The following SNX29 variants were observed in gnomAD, a reference collection of about 807,000 sequenced individuals.
The protein encoded by SNX29 is sorting nexin 29.
SNX29 carries 78 observed loss-of-function variants against 102.1 expected under a neutral mutation model. That is an observed-to-expected ratio of 0.76 (90% CI 0.64 to 0.92). The LOEUF (loss-of-function observed/expected upper bound fraction) is 0.92. Ranked by LOEUF, SNX29 falls within the 40% of genes least tolerant of loss-of-function variation. SNX29 has a pLI of 0.00. For missense variants in SNX29, 1,280 were observed against 1,061.7 expected, an observed-to-expected ratio of 1.21 and a Z score of -2.86; for synonymous variants, 580 against 414.5, an observed-to-expected ratio of 1.40 and a Z score of -4.85.
At chr16:12,469,408 C>G (rs2087229027) in intron 18 of SNX29, among the ~76,000 whole-genome samples, 1 of 152,192 alleles carries the variant, frequency 6.6e-6, no homozygotes. Context: ...AGGCCTTGAA[C>G]CAAAACACAA....
In SNX29 at chr16:12,477,707, C is replaced by T; in HGVS notation, c.2038-12C>T. 1.9e-6 allele frequency: 3 copies of T among 1,606,788 alleles called. No homozygotes were observed. The highest frequency in any genetic ancestry group is 2.5e-6 in the Non-Finnish European group (3 of 1,178,228). The stretch of plus-strand genomic sequence containing the variant: ...GGTTTAAGAGGAATTCACATTTTCT[C>T]TTTCTTGACAGGTCTACATCCGGAT... On this transcript the variant is annotated splice_polypyrimidine_tract_variant and intron_variant, in intron 18 of 20. Coordinates refer to ENST00000566228, the MANE Select transcript of SNX29 (RefSeq NM_032167.5).
At chr16:12,048,792 G>A (rs1380672322) in intron 7 of SNX29, among the ~76,000 whole-genome samples, 172 bp downstream of exon 7, 3 of 152,228 alleles carry the variant, frequency 2.0e-5, no homozygotes, top group Non-Finnish European at 2.9e-5. Context: ...GGGCTCTGAC[G>A]GCCTTACCTA....
chr16:12,476,423 T>TATATATATATATATAC (rs2087644577), intron 18 of SNX29, among the ~76,000 whole-genome samples: 1 of 74,022 alleles, frequency 1.4e-5, no homozygotes, highest in Non-Finnish European at 2.6e-5. Flanking sequence ...CATATATATA[T>TATATATATATATATAC]ATATATATAT....
chr16:12,100,360 A>G (rs1202005135), intron 11 of SNX29, among the ~76,000 whole-genome samples: 1 of 152,150 alleles, frequency 6.6e-6, no homozygotes, highest in African/African-American at 2.4e-5. Context: ...GTGACAGGCA[A>G]GTGTCTGTGG....
Position 12,569,425 on chromosome 16 carries a change from G to C in SNX29, c.*796G>C, listed in dbSNP as rs115824806. 3.0e-5 allele frequency: 7 copies of C among 230,734 alleles called. No individual in the cohort carries two copies. In the East Asian group the frequency reaches 4.3e-4, roughly 14 times the overall value. 14.3% of individuals were successfully genotyped at this position (230,734 alleles called of 1,614,324 possible). On this transcript the variant is annotated 3_prime_UTR_variant, in exon 21 of 21. Transcript: ENST00000566228. ...CAACCTAGTAACCCGGCGTCATCCA[G>C]CGTGTCCAAAGTAGCATTGGCCCTA...
intron 20 of SNX29, among the ~76,000 whole-genome samples, chr16:12,530,540 C>A (rs983904202): frequency 7.6e-6 from 1 of 132,212 alleles, no homozygotes; most frequent in Non-Finnish European, 1.6e-5. Context: ...AATTTGCCTT[C>A]GTTTTTTTTT....
At chr16:12,438,140 G>A (rs549948573) in intron 18 of SNX29, among the ~76,000 whole-genome samples, 2 of 152,036 alleles carry the variant, frequency 1.3e-5, no homozygotes, top group African/African-American at 4.8e-5. Flanking sequence ...GGGAGGTGAG[G>A]GGGCAGGAGT....
intron 15 of SNX29, among the ~76,000 whole-genome samples, chr16:12,316,268 A>G (rs1354757317): frequency 2.0e-5 from 3 of 152,350 alleles, no homozygotes; most frequent in East Asian, 3.9e-4. Context: ...ATCAGATTCA[A>G]AAGGCCTCTT....
At chr16:12,407,177 T>C (rs2084199693) in intron 18 of SNX29, among the ~76,000 whole-genome samples, 1 of 40,806 alleles carries the variant, frequency 2.5e-5, no homozygotes, top group East Asian at 5.9e-4. Context: ...GGGCCCCCGC[T>C]TTTTCAGCCC....
At chr16:12,458,865 A>G (rs1042935745) in intron 18 of SNX29, among the ~76,000 whole-genome samples, 7 of 152,220 alleles carry the variant, frequency 4.6e-5, no homozygotes, top group African/African-American at 1.7e-4. Context: ...TACTGGCCCA[A>G]TCAGATTCTC....
At chr16:12,553,496 G>A (rs1040815222) in intron 20 of SNX29, among the ~76,000 whole-genome samples, 1 of 152,140 alleles carries the variant, frequency 6.6e-6, no homozygotes, top group Non-Finnish European at 1.5e-5. Flanking sequence ...AGGCAGGGCA[G>A]GTGCACACTT....
intron 15 of SNX29, among the ~76,000 whole-genome samples, chr16:12,307,198 G>A (rs2080364296): frequency 6.6e-6 from 1 of 152,196 alleles, no homozygotes; most frequent in African/African-American, 2.4e-5. Context: ...GAAATTCTGT[G>A]TACTCTTAAC....
intron 19 of SNX29, among the ~76,000 whole-genome samples, chr16:12,478,148 C>T (rs949505602): frequency 1.3e-5 from 2 of 152,254 alleles, no homozygotes; most frequent in East Asian, 3.9e-4. Flanking sequence ...GGGACTTTAC[C>T]ATTTCAGTGG....
chr16:12,047,005 A>G (rs1269003914), intron 6 of SNX29, among the ~76,000 whole-genome samples: 1 of 152,180 alleles, frequency 6.6e-6, no homozygotes, highest in Non-Finnish European at 1.5e-5. Context: ...TTGGAGATGT[A>G]ATATACATTG....
intron 20 of SNX29, among the ~76,000 whole-genome samples, chr16:12,542,463 C>G (rs1228889751): frequency 6.6e-6 from 1 of 152,246 alleles, no homozygotes; most frequent in African/African-American, 2.4e-5. Context: ...TCCCAAGTAG[C>G]TGGGATTACA....
chr16:12,508,978 G>T (rs1005409579), intron 19 of SNX29, among the ~76,000 whole-genome samples: 5 of 152,170 alleles, frequency 3.3e-5, no homozygotes. Context: ...TGGAGATAGT[G>T]TCCATAAGTC....
intron 15 of SNX29, among the ~76,000 whole-genome samples, chr16:12,318,051 C>T (rs921856879): frequency 4.6e-5 from 7 of 152,266 alleles, no homozygotes; most frequent in African/African-American, 1.2e-4. Flanking sequence ...TTCGGCCCCA[C>T]GCTGGCTCTT....
At chr16:12,256,274 C>G (rs1329407841) in intron 14 of SNX29, among the ~76,000 whole-genome samples, 2 of 152,098 alleles carry the variant, frequency 1.3e-5, no homozygotes, top group African/African-American at 4.8e-5. Context: ...GATATTAACC[C>G]CTTATCAGAC....
chr16:12,152,153 G>A (rs2055329399), intron 13 of SNX29, among the ~76,000 whole-genome samples: 1 of 152,116 alleles, frequency 6.6e-6, no homozygotes, highest in African/African-American at 2.4e-5. Flanking sequence ...CCCGCGAGGT[G>A]AAGGTTGCAG....
Sources: gnomAD v4.1 joint callset for allele counts (sites outside exome capture counted in the v4.1 genomes callset) on GRCh38, gnomAD v4.1.1 for gene constraint, MANE v1.5 for transcripts, NCBI Gene and HGNC (gene_info 2026-07-23, HGNC 2026-07-21) for gene names.